The following PARD3 variants were observed in gnomAD, a reference collection of about 807,000 sequenced individuals.
The protein encoded by PARD3 is par-3 family cell polarity regulator.
PARD3 carries 75 observed loss-of-function variants against 155.4 expected under a neutral mutation model. That is an observed-to-expected ratio of 0.48 (90% CI 0.40 to 0.58). The LOEUF (loss-of-function observed/expected upper bound fraction) is 0.58, where lower values mean the gene tolerates loss of function less well. Ranked by LOEUF, PARD3 falls within the 20% of genes least tolerant of loss-of-function variation. The pLI is 0.00. For missense variants in PARD3, 1,642 were observed against 1,721.7 expected (o/e 0.95, Z 0.82); for synonymous variants, 576 against 610.5 (o/e 0.94, Z 0.83).
intron 2 of PARD3, among the ~76,000 whole-genome samples, chr10:34,637,715 G>C (rs1350428944): frequency 6.6e-6 from 1 of 152,172 alleles, no homozygotes; most frequent in African/African-American, 2.4e-5. Flanking sequence ...AGAGCAAATG[G>C]GGAATCAGCA....
chr10:34,573,702 G>A (rs1006239844), intron 2 of PARD3, among the ~76,000 whole-genome samples: 8 of 149,284 alleles, frequency 5.4e-5, no homozygotes, highest in East Asian at 2.0e-4. Flanking sequence ...ACGAGACTCC[G>A]TCTCAAAAAC....
chr10:34,159,181 C>T (rs1207094946), intron 22 of PARD3, among the ~76,000 whole-genome samples: 1 of 152,172 alleles, frequency 6.6e-6, no homozygotes, highest in East Asian at 1.9e-4. Flanking sequence ...GAATCTAGTT[C>T]ATTCTGAAGT....
At chr10:34,439,366 T>C (rs995105780) in intron 5 of PARD3, among the ~76,000 whole-genome samples, 3 of 151,952 alleles carry the variant, frequency 2.0e-5, no homozygotes. Flanking sequence ...AATTCCATCT[T>C]ACAATTTGGA....
intron 2 of PARD3, among the ~76,000 whole-genome samples, chr10:34,659,189 C>CA (rs1458169048): frequency 6.6e-6 from 1 of 152,194 alleles, no homozygotes; most frequent in African/African-American, 2.4e-5. Flanking sequence ...GGAGCCTTGA[C>CA]ACACAGGACA....
Position 34,306,910 on chromosome 10 carries a change from G to A in PARD3, c.3065+10197C>T, listed in dbSNP as rs192606540. On this transcript the variant is annotated intron_variant, in intron 20 of 24. Coordinates refer to ENST00000374788, the MANE Select transcript of PARD3 (RefSeq NM_001184785.2). Reference sequence around the variant, plus strand: ...CAAAAGTATTTTTTTTTTTTGAGACGGAGTCTCGTTCTGTCCCCCACACTG... The same window carrying A: ...CAAAAGTATTTTTTTTTTTTGAGACAGAGTCTCGTTCTGTCCCCCACACTG... 7.9e-4 allele frequency among the ~76,000 whole-genome samples: 119 copies of A among 151,200 alleles called. 1 individual carries two copies. The highest frequency in any genetic ancestry group is 1.3e-3 in the Non-Finnish European group (91 of 67,826).
rs1436731 is a variant in PARD3, at chr10:34,517,061, C to A, written c.321G>T (p.Glu107Asp). 7.4e-6 allele frequency: 12 copies of A among 1,614,074 alleles called. No individual in the cohort carries two copies. In the African/African-American group the frequency reaches 1.5e-4, roughly 20 times the overall value. Residue 107 changes from glutamate to aspartate, a missense_variant, in exon 3 of 25, where the codon GAG (glutamate) becomes GAT (aspartate). By Grantham distance (45) the Glu-to-Asp change is conservative (BLOSUM62 2). Transcript: ENST00000374788. ...GTQSPEIFGS[E>D]LGTNNVSAFQ... is the part of the protein sequence containing the mutation. ...AGGCTGAGACATTGTTGGTGCCAAGCTCACTACCAAATATCTCTGGGCTCT... is the reference window on the plus strand; with the variant it reads ...AGGCTGAGACATTGTTGGTGCCAAGATCACTACCAAATATCTCTGGGCTCT...
At chr10:34,232,625 C>A (rs1394743321) in intron 22 of PARD3, among the ~76,000 whole-genome samples, 2 of 152,066 alleles carry the variant, frequency 1.3e-5, no homozygotes, top group Admixed American at 1.3e-4. Flanking sequence ...AGAACTTGGT[C>A]CCCAAATTAC....
intron 2 of PARD3, among the ~76,000 whole-genome samples, chr10:34,657,243 A>C (rs1564468832): frequency 6.6e-6 from 1 of 152,152 alleles, no homozygotes; most frequent in Admixed American, 6.5e-5. Context: ...AAAAAAAAAA[A>C]GTCAGAAAAG....
chr10:34,741,174 A>ATTTTTTTTT lies in PARD3; in HGVS notation c.121-44764_121-44756dup, dbSNP rs71033345. Among the ~76,000 whole-genome samples the ATTTTTTTTT allele has an allele frequency of 9.6e-3, 1,094 of 114,216 alleles. 61 individuals carry two copies. Among genetic ancestry groups the ATTTTTTTTT allele is most frequent in the African/African-American group, 0.026 (843 of 32,128 alleles). 74.9% of individuals were successfully genotyped at this position (114,216 alleles called of 152,430 possible). A position where few individuals can be genotyped will look rare whatever the true frequency, so the allele number is the denominator to read the frequency against. ...CAACTGCTGTGTTTTCGTAAACCAA[A>ATTTTTTTTT]TTTTTTTTTTTTTTTTTTTTGTTTG... On this transcript the variant is annotated intron_variant, in intron 1 of 24. Coordinates refer to ENST00000374788, the MANE Select transcript of PARD3 (RefSeq NM_001184785.2).
intron 22 of PARD3, among the ~76,000 whole-genome samples, chr10:34,150,152 A>G (rs991721171): frequency 6.6e-6 from 1 of 152,214 alleles, no homozygotes; most frequent in African/African-American, 2.4e-5. Context: ...CTTCAAGTAT[A>G]TGTGAATAAT....
At chr10:34,316,229 T>G (rs1244487855) in intron 20 of PARD3, among the ~76,000 whole-genome samples, 1 of 152,224 alleles carries the variant, frequency 6.6e-6, no homozygotes, top group African/African-American at 2.4e-5. Context: ...TTGATATGTT[T>G]AGGGGTTTAA....
At chr10:34,208,151 C>CT (rs1391401701) in intron 22 of PARD3, among the ~76,000 whole-genome samples, 1 of 152,176 alleles carries the variant, frequency 6.6e-6, no homozygotes, top group African/African-American at 2.4e-5. Context: ...ACATGATTTA[C>CT]TTTTTTTCTT....
At chr10:34,362,832 A>C (rs1839588087) in intron 12 of PARD3, among the ~76,000 whole-genome samples, 1 of 152,246 alleles carries the variant, frequency 6.6e-6, no homozygotes, top group African/African-American at 2.4e-5. Context: ...AATGAACTGC[A>C]CTACCTCAAT....
intron 2 of PARD3, among the ~76,000 whole-genome samples, chr10:34,571,955 G>A (rs191710837): frequency 6.6e-6 from 1 of 152,216 alleles, no homozygotes; most frequent in East Asian, 1.9e-4. Context: ...ATATTATTAT[G>A]CTCTATCTGG....
At chr10:34,402,492 A>G (rs1843994965) in intron 5 of PARD3, among the ~76,000 whole-genome samples, 1 of 152,186 alleles carries the variant, frequency 6.6e-6, no homozygotes, top group Non-Finnish European at 1.5e-5. Context: ...TTTCACATAA[A>G]GTTACCCTAA....
rs1160450609 is a variant in PARD3, at chr10:34,110,993, T to C, written c.*176A>G. 3.1e-5 allele frequency: 18 copies of C among 576,844 alleles called. No individual in the cohort carries two copies. Among genetic ancestry groups the C allele is most frequent in the Non-Finnish European group, 5.2e-5 (18 of 346,404 alleles). 35.7% of individuals were successfully genotyped at this position (576,844 alleles called of 1,614,324 possible). On this transcript the variant is annotated 3_prime_UTR_variant, in exon 25 of 25. Coordinates refer to ENST00000374788, the MANE Select transcript of PARD3 (RefSeq NM_001184785.2). ...TTCCATGAAACAGACACTTGAGACA[T>C]AGTGGCAAAGACATTAAGGCCTTCC...
intron 1 of PARD3, among the ~76,000 whole-genome samples, chr10:34,787,617 G>A (rs1352327627): frequency 1.3e-5 from 2 of 152,142 alleles, no homozygotes; most frequent in African/African-American, 4.8e-5. Flanking sequence ...TCTCGTTAAA[G>A]ATGGAAGCAA....
chr10:34,612,190 T>C (rs1011631733), intron 2 of PARD3, among the ~76,000 whole-genome samples: 6 of 152,158 alleles, frequency 3.9e-5, no homozygotes, highest in South Asian at 2.1e-4. Context: ...ATATAACCTA[T>C]ACAGAAACAT....
chr10:34,131,253 A>C (rs1480531231), intron 23 of PARD3, among the ~76,000 whole-genome samples: 1 of 152,256 alleles, frequency 6.6e-6, no homozygotes, highest in Non-Finnish European at 1.5e-5. Context: ...GAAACCTATT[A>C]GGCAATGGAC....
Sources: allele counts gnomAD v4.1 joint callset (sites outside exome capture counted in the v4.1 genomes callset), GRCh38; gene constraint gnomAD v4.1.1; transcripts MANE v1.5; gene names NCBI Gene and HGNC (gene_info 2026-07-23, HGNC 2026-07-21).